RADIL: variants seen among roughly 807,000 people sequenced by gnomAD.
RADIL encodes ras-associating and dilute domain-containing protein.
In RADIL, 99 loss-of-function variants were observed where a neutral mutation model predicts 97.6. The observed-to-expected ratio is 1.01, with a 90% CI of 0.86 to 1.20. The LOEUF is 1.20. RADIL is among the 50% of genes most tolerant of loss of function. The pLI is 0.00. For missense variants in RADIL, 1,765 were observed against 1,498.9 expected, an observed-to-expected ratio of 1.18 and a Z score of -2.93; for synonymous variants, 803 against 691.8, an observed-to-expected ratio of 1.16 and a Z score of -2.52.
Position 4,879,740 on chromosome 7 carries a change from C to T in RADIL, c.-64-1537G>A, listed in dbSNP as rs540245377. ...GAACCCCTCCAAAGAAAAGGAGCCA[C>T]ACTGTCCCTTAGGAAACTAAACAGT... is the stretch of plus-strand genomic sequence containing the variant. On this transcript the variant is annotated intron_variant, in intron 1 of 14. Coordinates refer to ENST00000399583, the MANE Select transcript of RADIL (RefSeq NM_018059.5). The surrounding 1 kb of genome is among the most constrained non-coding windows in gnomAD (Gnocchi z 4.1). Among the ~76,000 whole-genome samples the T allele has an allele frequency of 5.3e-5, 8 of 152,302 alleles. No homozygotes were observed. In the East Asian group the frequency reaches 1.4e-3, roughly 26 times the overall value.
intron 2 of RADIL, chr7:4,861,530 A>G (rs764648894): frequency 1.3e-5 from 21 of 1,614,036 alleles, no homozygotes; most frequent in Non-Finnish European, 1.8e-5. Context: ...CTTTCCTCCA[A>G]CGTTTTCAAT....
chr7:4,860,164 A>G, intron 2 of RADIL: 1 of 1,614,006 alleles, frequency 6.2e-7, no homozygotes, highest in African/African-American at 1.3e-5. Flanking sequence ...GAGAACTGCT[A>G]ATCAATGGGC....
intron 2 of RADIL, among the ~76,000 whole-genome samples, chr7:4,862,166 C>A (rs1251346711): frequency 2.0e-5 from 3 of 152,354 alleles, no homozygotes; most frequent in Admixed American, 1.3e-4. Flanking sequence ...TTGTTGATGA[C>A]CGGCCAAACT....
intron 2 of RADIL, among the ~76,000 whole-genome samples, chr7:4,839,738 TA>T (rs1442185070): frequency 1.3e-5 from 2 of 152,190 alleles, no homozygotes; most frequent in African/African-American, 4.8e-5. Flanking sequence ...ACTTTATTTT[TA>T]AAAGCTTTCC....
In RADIL at chr7:4,799,800, C is replaced by T. The variant is rs1048241956; in HGVS notation, c.2983-31G>A. Reference sequence around the variant, plus strand: ...GACAAGCAGAGGCCTCAGAGCTCCGCAGGCCCGACTGGCTGTCCCCAGCGA... The same window carrying T: ...GACAAGCAGAGGCCTCAGAGCTCCGTAGGCCCGACTGGCTGTCCCCAGCGA... On this transcript the variant is annotated intron_variant, in intron 13 of 14. Transcript: ENST00000399583. The T allele has an allele frequency of 4.1e-5, 60 of 1,477,996 alleles. No homozygotes were observed. In the African/African-American group the frequency reaches 7.7e-4, roughly 19 times the overall value. 91.6% of individuals were successfully genotyped at this position (1,477,996 alleles called of 1,614,324 possible).
At position 4,850,601 on chromosome 7, in the gene RADIL, G is replaced by A. The variant is rs558925785; in HGVS notation, c.536-13996C>T. On this transcript the variant is annotated intron_variant, in intron 2 of 14. Transcript: ENST00000399583. ...CCAGGGCAGCTCTCCAGGGCATCAC[G>A]GGGCAACCTGACAACAGTCACTGGG... Among the ~76,000 whole-genome samples, 83 of 152,280 alleles carry A rather than the reference G, an allele frequency of 5.5e-4. 1 individual carries two copies. The highest frequency in any genetic ancestry group is 1.6e-3 in the African/African-American group (68 of 41,552).
chr7:4,882,302 C>G (rs1473906573), intron 1 of RADIL: 1 of 152,214 alleles, frequency 6.6e-6, no homozygotes, highest in Non-Finnish European at 1.5e-5. Flanking sequence ...TCCGACCGGG[C>G]GGAGCACGCC....
At chr7:4,832,840 G>A (rs1394792036) in intron 4 of RADIL, among the ~76,000 whole-genome samples, 8 of 152,058 alleles carry the variant, frequency 5.3e-5, no homozygotes, top group Admixed American at 2.0e-4. Flanking sequence ...TAGACTAAGC[G>A]TGTATATTTG....
chr7:4,799,724 G>T lies in RADIL; in HGVS notation c.3028C>A (p.Pro1010Thr). The T allele has an allele frequency of 6.4e-7, 1 of 1,564,024 alleles. No individual in the cohort carries two copies. Among genetic ancestry groups the T allele is most frequent in the Non-Finnish European group, 8.6e-7 (1 of 1,157,826 alleles). Residue 1010 changes from proline to threonine, a missense_variant, in exon 14 of 15, where the codon CCG becomes ACG. Pro to Thr is a conservative substitution (Grantham distance 38). Transcript: ENST00000399583. ...CCGTCGGCCGCTGCGGGGCTGCCCG[G>T]GAGCAGGGTCTGGATGTAGAGCCCG... ...APGLYIQTLL[P>T]GSPAAADGRL...
At chr7:4,838,122 G>C in intron 2 of RADIL, 1 of 935,528 alleles carries the variant, frequency 1.1e-6, no homozygotes, top group South Asian at 4.9e-5. Flanking sequence ...TGCTGGGCTG[G>C]GCTGCTCACC....
rs563533356 is a variant in RADIL, at chr7:4,853,463, C to T, written c.536-16858G>A. Among the ~76,000 whole-genome samples, 178 of 152,140 alleles carry T rather than the reference C, an allele frequency of 1.2e-3. 1 individual carries two copies. Among genetic ancestry groups the T allele is most frequent in the African/African-American group, 4.1e-3 (170 of 41,496 alleles). On this transcript the variant is annotated intron_variant, in intron 2 of 14. Transcript: ENST00000399583. ...CTGACTTTAAGATGCTGGGGGTAGG[C>T]CGGGCATGTTGGCTCACACCCGTAA...
At chr7:4,836,984 C>T (rs1472785883) in intron 2 of RADIL, among the ~76,000 whole-genome samples, 1 of 152,088 alleles carries the variant, frequency 6.6e-6, no homozygotes, top group Non-Finnish European at 1.5e-5. Flanking sequence ...TGTCCCGGGT[C>T]CTTCTGAGTT....
intron 2 of RADIL, among the ~76,000 whole-genome samples, chr7:4,848,834 C>T (rs1383107997): frequency 2.0e-5 from 3 of 151,958 alleles, no homozygotes; most frequent in Admixed American, 6.6e-5. Context: ...TAGTAGGATA[C>T]GTTTGTTAAA....
At position 4,816,252 on chromosome 7, in the gene RADIL, G is replaced by A; in HGVS notation, c.1942C>T (p.Leu648Phe). 1.9e-6 allele frequency: 3 copies of A among 1,611,974 alleles called. No individual in the cohort carries two copies. The highest frequency in any genetic ancestry group is 2.5e-6 in the Non-Finnish European group (3 of 1,179,158). ...AYLFFFSGTL[L>F]LNQLLDRGPS... ...CCCCTGTCGAGGAGCTGGTTGAGAA[G>A]CAGTGTCCCGGAGAAGAAGAAGAGG... Residue 648 changes from leucine to phenylalanine, a missense_variant, in exon 8 of 15, where the codon CTT becomes TTT. Leu to Phe is a conservative substitution (Grantham distance 22, BLOSUM62 0). Coordinates refer to ENST00000399583, the MANE Select transcript of RADIL (RefSeq NM_018059.5).
At chr7:4,875,596 G>C (rs2115051166) in intron 2 of RADIL, among the ~76,000 whole-genome samples, 1 of 152,290 alleles carries the variant, frequency 6.6e-6, no homozygotes. Flanking sequence ...CAGCAACCCT[G>C]GCCCGTGCTC....
rs1782910139 is a variant in RADIL, at chr7:4,824,141, G to A, written c.1455-1587C>T. Reference sequence around the variant, plus strand: ...GACTTGGGTCTGCCTGGGGTGTGGAGGGCGGCCCTGCTGCCTGCCCCATGG... The same window carrying A: ...GACTTGGGTCTGCCTGGGGTGTGGAAGGCGGCCCTGCTGCCTGCCCCATGG... On this transcript the variant is annotated intron_variant, in intron 5 of 14. Transcript: ENST00000399583. This position sits in a 1 kb window ranked among gnomAD's most constrained non-coding sequence, Gnocchi z 6.7. Among the ~76,000 whole-genome samples, 1 of 152,234 alleles carries A rather than the reference G, an allele frequency of 6.6e-6. No homozygotes were observed. Among genetic ancestry groups the A allele is most frequent in the Non-Finnish European group, 1.5e-5 (1 of 68,038 alleles).
intron 9 of RADIL, among the ~76,000 whole-genome samples, chr7:4,807,996 TCCCCTCCCTCCTCCCTCTCCTCTCCCTC>T (rs1782393250): frequency 1.4e-5 from 1 of 70,128 alleles, no homozygotes; most frequent in Admixed American, 1.4e-4. Context: ...CCTGTCTCTC[TCCCCTCCCTCCTCCCTCTCCTCTCCCTC>T]CATCTTTCTC....
chr7:4,861,276 T>C (rs745657449), intron 2 of RADIL: 2 of 1,613,978 alleles, frequency 1.2e-6, no homozygotes. Flanking sequence ...TCTTCTGGAA[T>C]AGTCTGTAGT....
At chr7:4,875,225 C>T (rs1167874861) in intron 2 of RADIL, among the ~76,000 whole-genome samples, 1 of 124,924 alleles carries the variant, frequency 8.0e-6, no homozygotes, top group Non-Finnish European at 1.5e-5. Context: ...ACAACAACAA[C>T]AACAACAACA....
Sources: gnomAD v4.1 joint callset for allele counts (sites outside exome capture counted in the v4.1 genomes callset) on GRCh38, gnomAD v4.1.1 for gene constraint, Gnocchi (gnomAD v3.1) non-coding constraint, MANE v1.5 for transcripts, NCBI Gene and HGNC (gene_info 2026-07-23, HGNC 2026-07-21) for gene names.